Variants in LHFPL2 observed in about 807,000 individuals in gnomAD.
LHFPL2 encodes the protein LHFPL tetraspan subfamily member 2.
A neutral mutation model predicts 17.5 loss-of-function variants in LHFPL2; 7 were observed. The ratio of observed to expected loss-of-function variants is 0.40; its 90% confidence interval spans 0.23 to 0.75. The LOEUF is 0.75. Among genes scored for constraint, LHFPL2 ranks in the 30% least tolerant of loss-of-function variants. The pLI, the probability that LHFPL2 is intolerant of heterozygous loss-of-function variation, is 0.37. For synonymous variants in LHFPL2, 134 were observed against 116.2 expected (o/e 1.15, Z -0.99); for missense variants, 241 against 294.8 (o/e 0.82, Z 1.34).
At chr5:78,553,968 T>C (rs1468124468) in intron 3 of LHFPL2, among the ~76,000 whole-genome samples, 3 of 152,268 alleles carry the variant, frequency 2.0e-5, no homozygotes, top group Non-Finnish European at 2.9e-5. Flanking sequence ...GAGCAACATT[T>C]AGACACCTCT....
At chr5:78,512,307 C>G (rs12517819) in intron 3 of LHFPL2, among the ~76,000 whole-genome samples, 18,798 of 151,500 alleles carry the variant, frequency 0.12, 1,459 homozygotes, top group African/African-American at 0.2. Flanking sequence ...TCCTGTTTCC[C>G]CACTACCTAA....
chr5:78,502,326 T>C (rs1266470308), intron 4 of LHFPL2, among the ~76,000 whole-genome samples: 3 of 152,234 alleles, frequency 2.0e-5, no homozygotes, highest in Admixed American at 1.3e-4. Flanking sequence ...AGTTTCTCCA[T>C]TGTTGAAGCC....
At chr5:78,587,788 C>T (rs1371410403) in intron 2 of LHFPL2, among the ~76,000 whole-genome samples, 2 of 152,256 alleles carry the variant, frequency 1.3e-5, no homozygotes, top group African/African-American at 4.8e-5. Context: ...TAGCATTGGT[C>T]TGAAGGTGGC....
At chr5:78,555,928 A>G (rs1756561104) in intron 3 of LHFPL2, among the ~76,000 whole-genome samples, 1 of 152,224 alleles carries the variant, frequency 6.6e-6, no homozygotes, top group Admixed American at 6.5e-5. Flanking sequence ...CCATGAGCCA[A>G]CATGTTCTGT....
At chr5:78,581,005 T>C (rs1743112623) in intron 2 of LHFPL2, among the ~76,000 whole-genome samples, 1 of 152,230 alleles carries the variant, frequency 6.6e-6, no homozygotes, top group South Asian at 2.1e-4. Context: ...CATTTGTTTG[T>C]ATCCTCTTTT....
At chr5:78,632,917 G>A (rs1441842944) in intron 1 of LHFPL2, among the ~76,000 whole-genome samples, 1 of 152,140 alleles carries the variant, frequency 6.6e-6, no homozygotes, top group East Asian at 1.9e-4. Flanking sequence ...CAAGCAAAGA[G>A]CATGCCAGGC....
Position 78,607,610 on chromosome 5 carries a change from A to G in LHFPL2, c.-245+24654T>C, listed in dbSNP as rs529911966. On this transcript the variant is annotated intron_variant, in intron 2 of 4. Transcript: ENST00000380345. ...ACCTCTCATTCCTGTTTTATCCTAGACTAGCCTCTTCACTAGCTGGCTCTT... is the reference window on the plus strand; with the variant it reads ...ACCTCTCATTCCTGTTTTATCCTAGGCTAGCCTCTTCACTAGCTGGCTCTT... 2.5e-4 allele frequency among the ~76,000 whole-genome samples: 38 copies of G among 152,286 alleles called. 3 individuals carry two copies. Among genetic ancestry groups the G allele is most frequent in the African/African-American group, 8.7e-4 (36 of 41,560 alleles).
intron 2 of LHFPL2, among the ~76,000 whole-genome samples, chr5:78,601,315 G>A (rs577764101): frequency 7.2e-5 from 11 of 152,316 alleles, no homozygotes; most frequent in African/African-American, 2.4e-4. Context: ...ACTAAGCTGA[G>A]ATGATTCAGC....
chr5:78,505,759 A>C (rs1754913863), intron 4 of LHFPL2, among the ~76,000 whole-genome samples: 1 of 152,258 alleles, frequency 6.6e-6, no homozygotes, highest in African/African-American at 2.4e-5. Flanking sequence ...GAAAGCAGAA[A>C]TACTTTGATA....
chr5:78,504,845 A>G (rs1207568617), intron 4 of LHFPL2, among the ~76,000 whole-genome samples: 2 of 152,168 alleles, frequency 1.3e-5, no homozygotes, highest in African/African-American at 4.8e-5. Context: ...AGGGCAATCT[A>G]TCTGGTCAGA....
At chr5:78,574,971 A>G (rs1032926358) in intron 2 of LHFPL2, among the ~76,000 whole-genome samples, 3 of 152,168 alleles carry the variant, frequency 2.0e-5, no homozygotes, top group Admixed American at 1.3e-4. Flanking sequence ...ACTCTGGCCC[A>G]AAGTCATCAT....
chr5:78,605,803 T>C (rs1004516221), intron 2 of LHFPL2, among the ~76,000 whole-genome samples: 3 of 152,226 alleles, frequency 2.0e-5, no homozygotes, highest in Non-Finnish European at 4.4e-5. Context: ...AATCCAAAGA[T>C]GAATCATCTC....
Position 78,486,312 on chromosome 5 carries a change from T to TCCCGTCATGAGACTTTCTTTA in LHFPL2, c.*2564_*2584dup, listed in dbSNP as rs1372562938. 1 of 152,290 alleles carries TCCCGTCATGAGACTTTCTTTA rather than the reference T, an allele frequency of 6.6e-6. No homozygotes were observed. The highest frequency in any genetic ancestry group is 1.5e-5 in the Non-Finnish European group (1 of 68,034). The allele number at this position is 152,290 out of a possible 1,614,324, so 9.4% of individuals were successfully genotyped here. A position where few individuals can be genotyped will look rare whatever the true frequency, so the allele number is the denominator to read the frequency against. On this transcript the variant is annotated 3_prime_UTR_variant, in exon 5 of 5. Transcript: ENST00000380345. ...TCATTGAGAAGCGCAGCCCATCCCA[T>TCCCGTCATGAGACTTTCTTTA]CCCGTCATGAGACTTTCTTTAAGCC... is the stretch of plus-strand genomic sequence containing the variant.
chr5:78,537,385 T>TG (rs1429840768), intron 3 of LHFPL2, among the ~76,000 whole-genome samples: 1 of 152,018 alleles, frequency 6.6e-6, no homozygotes, highest in Non-Finnish European at 1.5e-5. Flanking sequence ...TGGTTATTCG[T>TG]GGGAAAAAAA....
chr5:78,520,187 T>G (rs528471509), intron 3 of LHFPL2, among the ~76,000 whole-genome samples: 48 of 152,288 alleles, frequency 3.2e-4, no homozygotes, highest in African/African-American at 1.1e-3. Context: ...TTTCTGCCGC[T>G]TATCTCCCCA....
At chr5:78,594,789 T>C (rs538940302) in intron 2 of LHFPL2, among the ~76,000 whole-genome samples, 38 of 152,372 alleles carry the variant, frequency 2.5e-4, no homozygotes, top group Non-Finnish European at 5.1e-4. Context: ...TTTATAATAG[T>C]CTTTGTTTGA....
intron 4 of LHFPL2, among the ~76,000 whole-genome samples, chr5:78,497,369 C>T (rs1426699585): frequency 3.9e-5 from 6 of 152,232 alleles, no homozygotes; most frequent in Non-Finnish European, 8.8e-5. Context: ...CATACCCCGG[C>T]CTCTCTCACC....
intron 2 of LHFPL2, among the ~76,000 whole-genome samples, chr5:78,601,519 T>C (rs1203394164): frequency 6.6e-6 from 1 of 152,226 alleles, no homozygotes; most frequent in Non-Finnish European, 1.5e-5. Context: ...AGGAACTGTT[T>C]TTATTCTTTA....
At chr5:78,602,197 T>C (rs953544702) in intron 2 of LHFPL2, among the ~76,000 whole-genome samples, 1 of 151,798 alleles carries the variant, frequency 6.6e-6, no homozygotes, top group African/African-American at 2.4e-5. Context: ...GAGATGATGA[T>C]GGCAATGAAG....
Sources: allele counts gnomAD v4.1 joint callset (sites outside exome capture counted in the v4.1 genomes callset), GRCh38; gene constraint gnomAD v4.1.1; transcripts MANE v1.5; gene names NCBI Gene and HGNC (gene_info 2026-07-23, HGNC 2026-07-21).